Variants in WASL observed in about 807,000 individuals in gnomAD.
WASL encodes WASP like actin nucleation promoting factor, also known as actin nucleation-promoting factor WASL.
In WASL, 20 loss-of-function variants were observed where a neutral mutation model predicts 55.5. That is an observed-to-expected ratio of 0.36 (90% CI 0.25 to 0.52). The LOEUF (loss-of-function observed/expected upper bound fraction) is 0.52, where lower values mean the gene tolerates loss of function less well. Among genes scored for constraint, WASL ranks in the 20% least tolerant of loss-of-function variants. The probability of loss-of-function intolerance (pLI) is 0.92; values close to 1 mark genes in which losing one functional copy is unlikely to be tolerated. For missense variants in WASL, 504 were observed against 622.5 expected (o/e 0.81, Z 2.03); for synonymous variants, 249 against 217.6 (o/e 1.14, Z -1.27).
At chr7:123,732,920 G>T (rs762090658) in intron 1 of WASL, among the ~76,000 whole-genome samples, 9 of 152,014 alleles carry the variant, frequency 5.9e-5, no homozygotes, top group South Asian at 2.1e-4. Context: ...ATATCAATAG[G>T]CTAAAGAAAA....
intron 7 of WASL, 51 bp from the exon 8 acceptor site, chr7:123,694,919 A>C: frequency 6.4e-7 from 1 of 1,553,948 alleles, no homozygotes; most frequent in Non-Finnish European, 8.7e-7. Context: ...AATTTAAAAA[A>C]CATAATTTTA....
At chr7:123,704,365 C>T (rs1170431319) in intron 5 of WASL, among the ~76,000 whole-genome samples, 1 of 152,120 alleles carries the variant, frequency 6.6e-6, no homozygotes, top group African/African-American at 2.4e-5. Context: ...GTGATCTTCA[C>T]CCTATGTATT....
intron 1 of WASL, among the ~76,000 whole-genome samples, chr7:123,712,751 T>C (rs982148932): frequency 1.3e-5 from 2 of 152,192 alleles, no homozygotes; most frequent in African/African-American, 4.8e-5. Context: ...TAGCCACTGC[T>C]GCAATGGCCC....
chr7:123,698,417 T>C (rs1388238550), intron 5 of WASL, among the ~76,000 whole-genome samples: 1 of 151,892 alleles, frequency 6.6e-6, no homozygotes, highest in Non-Finnish European at 1.5e-5. Flanking sequence ...AACTCTACTA[T>C]TAAAGATAAA....
At chr7:123,714,515 G>A (rs1049276210) in intron 1 of WASL, among the ~76,000 whole-genome samples, 3 of 152,124 alleles carry the variant, frequency 2.0e-5, no homozygotes, top group Non-Finnish European at 4.4e-5. Flanking sequence ...GAAGAAAAAC[G>A]GAGCCAGATA....
At position 123,695,843 on chromosome 7, in the gene WASL, C is replaced by T; in HGVS notation, c.652G>A (p.Asp218Asn). ...NFQHIGHVGW[D>N]PNTGFDLNNL... ...CTTACATCAAAGCCTGTATTTGGAT[C>T]CCAACCAACATGTCCAATGTGCCTG... is the stretch of plus-strand genomic sequence containing the variant. The change falls in exon 7 of 11, where the codon GAT (aspartate) becomes AAT (asparagine). Residue 218 changes from aspartate to asparagine, a missense_variant. By Grantham distance (23) the Asp-to-Asn change is conservative. Transcript: ENST00000223023. 1 of 1,612,460 alleles carries T rather than the reference C, an allele frequency of 6.2e-7. No homozygotes were observed. The highest frequency in any genetic ancestry group is 8.5e-7 in the Non-Finnish European group (1 of 1,178,974).
At chr7:123,693,435 C>T (rs1189065184) in intron 8 of WASL, among the ~76,000 whole-genome samples, 1 of 152,156 alleles carries the variant, frequency 6.6e-6, no homozygotes, top group African/African-American at 2.4e-5. Flanking sequence ...ACTTTTATAG[C>T]ATAATGTCTG....
intron 5 of WASL, among the ~76,000 whole-genome samples, chr7:123,700,204 A>AAAAAAC (rs1562959040): frequency 1.2e-4 from 8 of 69,142 alleles, no homozygotes; most frequent in African/African-American, 3.7e-4. Context: ...AAAAAAAAAA[A>AAAAAAC]AAACAACATT....
intron 1 of WASL, among the ~76,000 whole-genome samples, chr7:123,729,947 A>C (rs1204819421): frequency 1.3e-5 from 2 of 152,180 alleles, no homozygotes; most frequent in Non-Finnish European, 2.9e-5. Context: ...ATAAACCTAA[A>C]AATTCCTATT....
Position 123,748,959 on chromosome 7 carries a change from C to T in WASL, c.-225G>A. On this transcript the variant is annotated 5_prime_UTR_variant, in exon 1 of 11. Transcript: ENST00000223023. ...GGGAAGCTCCCGGCACCCGCCCGGC[C>T]AGGCTAGGGCCGGATGGTCGTTGTC... 1.8e-6 allele frequency: 1 copy of T among 554,904 alleles called. No homozygotes were observed. The highest frequency in any genetic ancestry group is 3.2e-6 in the Non-Finnish European group (1 of 314,892). 34.4% of individuals were successfully genotyped at this position (554,904 alleles called of 1,614,324 possible). A position where few individuals can be genotyped will look rare whatever the true frequency, so the allele number is the denominator to read the frequency against.
rs569610140 is a variant in WASL at position 123,690,817 on chromosome 7, G to T, written c.1347+1530C>A. Among the ~76,000 whole-genome samples the T allele has an allele frequency of 1.2e-4, 18 of 152,232 alleles. No homozygotes were observed. The South Asian group carries it at 3.5e-3, about 30-fold the overall frequency. On this transcript the variant is annotated intron_variant, in intron 9 of 10. Coordinates refer to ENST00000223023, the MANE Select transcript of WASL (RefSeq NM_003941.4). ...AGGAAATAGAAAAGGAAAACAAAAA[G>T]GTGGGTTAGGAGTGAGAGTTACGGG...
intron 5 of WASL, among the ~76,000 whole-genome samples, chr7:123,699,455 A>G (rs1803543673): frequency 6.6e-6 from 1 of 152,224 alleles, no homozygotes; most frequent in South Asian, 2.1e-4. Context: ...TCAAATAGCA[A>G]CTATAAACAA....
intron 1 of WASL, among the ~76,000 whole-genome samples, chr7:123,710,438 T>G (rs1050835710): frequency 1.3e-5 from 2 of 152,088 alleles, no homozygotes; most frequent in African/African-American, 4.8e-5. Context: ...GATTTGAAGA[T>G]ATGCTGTTTT....
intron 1 of WASL, among the ~76,000 whole-genome samples, 166 bp downstream of exon 1, chr7:123,748,452 T>G (rs993497904): frequency 6.6e-5 from 10 of 151,362 alleles, no homozygotes; most frequent in Admixed American, 1.3e-4. Context: ...GCCCGCACCC[T>G]GGGAGCAGGG....
chr7:123,707,772 G>A (rs1409529931), intron 2 of WASL, among the ~76,000 whole-genome samples: 1 of 152,174 alleles, frequency 6.6e-6, no homozygotes, highest in African/African-American at 2.4e-5. Flanking sequence ...AACTACGTAT[G>A]TGTTCCCCAC....
chr7:123,684,399 G>C lies in WASL; in HGVS notation c.*120C>G, dbSNP rs1803253355. On this transcript the variant is annotated 3_prime_UTR_variant, in exon 11 of 11. Coordinates refer to ENST00000223023, the MANE Select transcript of WASL (RefSeq NM_003941.4). ...CACAGATTAAAAAAAAGCAAAAAAG[G>C]CAACAAAAATATACAGCAAATTGGT... 2.6e-6 allele frequency: 1 copy of C among 384,422 alleles called. No homozygotes were observed. The highest frequency in any genetic ancestry group is 3.5e-5 in the Admixed American group (1 of 28,576). 23.8% of individuals were successfully genotyped at this position (384,422 alleles called of 1,614,324 possible).
At chr7:123,747,371 C>G (rs1282358731) in intron 1 of WASL, among the ~76,000 whole-genome samples, 1 of 152,120 alleles carries the variant, frequency 6.6e-6, no homozygotes, top group African/African-American at 2.4e-5. Flanking sequence ...TCAATGTTCT[C>G]TAAGGTCTAA....
intron 5 of WASL, among the ~76,000 whole-genome samples, chr7:123,702,263 C>T (rs1355672846): frequency 6.6e-6 from 1 of 152,056 alleles, no homozygotes; most frequent in African/African-American, 2.4e-5. Flanking sequence ...GTTATGTTGG[C>T]CAGGCTGGTC....
chr7:123,697,425 C>T (rs974037683), intron 5 of WASL, among the ~76,000 whole-genome samples: 1 of 152,138 alleles, frequency 6.6e-6, no homozygotes, highest in Non-Finnish European at 1.5e-5. Flanking sequence ...AGAAGTGGTA[C>T]TAAATGTAGC....
Sources: gnomAD v4.1 joint callset for allele counts (sites outside exome capture counted in the v4.1 genomes callset) on GRCh38, gnomAD v4.1.1 for gene constraint, MANE v1.5 for transcripts, NCBI Gene and HGNC (gene_info 2026-07-23, HGNC 2026-07-21) for gene names.